The following RGPD8 variants were observed in gnomAD, a reference collection of about 807,000 sequenced individuals.
RGPD8 encodes the protein RANBP2-like and GRIP domain-containing protein 8.
Under a neutral mutation model 89.1 loss-of-function variants are expected in RGPD8, and 15 were observed. The observed-to-expected ratio is 0.17, with a 90% confidence interval of 0.11 to 0.26. RGPD8 has a LOEUF of 0.26. Ranked by LOEUF, RGPD8 falls within the 10% of genes least tolerant of loss-of-function variation. The pLI is 1.00. For missense variants in RGPD8, 178 were observed against 1,179.6 expected (o/e 0.15, Z 12.44); for synonymous variants, 62 against 420.9 (o/e 0.15, Z 10.44).
intron 1 of RGPD8, among the ~76,000 whole-genome samples, chr2:112,427,048 G>C (rs1483669664): frequency 1.3e-5 from 2 of 151,740 alleles, no homozygotes; most frequent in Non-Finnish European, 2.9e-5. Context: ...GACTTCTTCC[G>C]CCTCCCAAAG....
At chr2:112,370,735 G>A (rs1213071584) in intron 22 of RGPD8, among the ~76,000 whole-genome samples, 11 of 128,832 alleles carry the variant, frequency 8.5e-5, no homozygotes, top group African/African-American at 2.3e-4. Context: ...CTGAATTTCC[G>A]GTTGAGCCAA....
At chr2:112,423,976 G>T (rs1353188560) in intron 2 of RGPD8, among the ~76,000 whole-genome samples, 2 of 152,134 alleles carry the variant, frequency 1.3e-5, no homozygotes, top group Non-Finnish European at 2.9e-5. Context: ...TACTCCAACA[G>T]AAGACAATTT....
At chr2:112,432,300 T>C (rs374459037) in intron 1 of RGPD8, among the ~76,000 whole-genome samples, 24 of 152,178 alleles carry the variant, frequency 1.6e-4, no homozygotes, top group South Asian at 4.1e-4. Flanking sequence ...TTAAAAATTG[T>C]AAGCCATACT....
chr2:112,374,878 T>TA (rs1678076117), intron 22 of RGPD8, among the ~76,000 whole-genome samples: 1 of 144,524 alleles, frequency 6.9e-6, no homozygotes, highest in Non-Finnish European at 1.5e-5. Flanking sequence ...TTTTTTTTTT[T>TA]GAGATAGGAG....
At chr2:112,410,858 C>T (rs568634230) in intron 7 of RGPD8, among the ~76,000 whole-genome samples, 36 of 152,360 alleles carry the variant, frequency 2.4e-4, no homozygotes, top group Non-Finnish European at 3.2e-4. Context: ...GGCCGAGACG[C>T]GCAGATCACC....
At chr2:112,376,609 A>G (rs1218011275) in intron 22 of RGPD8, among the ~76,000 whole-genome samples, 1 of 148,724 alleles carries the variant, frequency 6.7e-6, no homozygotes, top group African/African-American at 2.5e-5. Context: ...AGGTCAGGAG[A>G]TTGAGACCAT....
intron 1 of RGPD8, among the ~76,000 whole-genome samples, chr2:112,428,154 CA>C (rs1553506500): frequency 6.6e-6 from 1 of 152,090 alleles, no homozygotes; most frequent in Non-Finnish European, 1.5e-5. Flanking sequence ...TTCAAAATTG[CA>C]AAAAAAATTA....
At chr2:112,419,740 C>T (rs1679507002) in intron 4 of RGPD8, among the ~76,000 whole-genome samples, 1 of 139,292 alleles carries the variant, frequency 7.2e-6, no homozygotes, top group Admixed American at 7.3e-5. Context: ...ACACTACTGA[C>T]ACCAGATTAA....
intron 22 of RGPD8, among the ~76,000 whole-genome samples, chr2:112,373,392 T>C (rs1678018161): frequency 6.6e-6 from 1 of 152,300 alleles, no homozygotes; most frequent in African/African-American, 2.4e-5. Context: ...ATGTGTTTAT[T>C]ATAAAGATTT....
intron 20 of RGPD8, among the ~76,000 whole-genome samples, chr2:112,381,888 G>A (rs1446698433): frequency 3.3e-5 from 5 of 152,298 alleles, no homozygotes; most frequent in Non-Finnish European, 7.3e-5. Context: ...ACAGTGTGAT[G>A]GTTAATACTG....
intron 22 of RGPD8, among the ~76,000 whole-genome samples, chr2:112,374,962 AAGC>A (rs1406361140): frequency 7.5e-6 from 1 of 133,374 alleles, no homozygotes; most frequent in Non-Finnish European, 1.6e-5. Flanking sequence ...TCCTGGGTTC[AAGC>A]AGTTCTCCTA....
chr2:112,423,949 T>C (rs1245080525), intron 2 of RGPD8, among the ~76,000 whole-genome samples: 1 of 152,242 alleles, frequency 6.6e-6, no homozygotes, highest in Non-Finnish European at 1.5e-5. Context: ...AATTAAGATA[T>C]AGGCATGGTC....
At chr2:112,385,752 TTATG>T (rs1396699927) in intron 20 of RGPD8, among the ~76,000 whole-genome samples, 6 of 141,230 alleles carry the variant, frequency 4.2e-5, no homozygotes, top group Non-Finnish European at 7.7e-5. Flanking sequence ...ATTTATTTAT[TTATG>T]TATTTATTTG....
chr2:112,431,997 T>G (rs2104412214), intron 1 of RGPD8, among the ~76,000 whole-genome samples: 1 of 152,374 alleles, frequency 6.6e-6, no homozygotes, highest in Non-Finnish European at 1.5e-5. Flanking sequence ...TAGTGCTATG[T>G]GTCAAGCAAT....
chr2:112,387,463 C>T (rs551424341), intron 20 of RGPD8, among the ~76,000 whole-genome samples: 13 of 140,924 alleles, frequency 9.2e-5, no homozygotes, highest in Non-Finnish European at 2.0e-4. Context: ...TGTGCTCAAG[C>T]GATCCTCCTG....
intron 1 of RGPD8, among the ~76,000 whole-genome samples, chr2:112,429,695 G>C (rs1314768377): frequency 6.6e-6 from 1 of 152,146 alleles, no homozygotes; most frequent in Non-Finnish European, 1.5e-5. Flanking sequence ...CTGTCAAGTA[G>C]ACTTTGAGAA....
chr2:112,390,834 T>C, intron 19 of RGPD8, 141 bp downstream of exon 19: 2 of 907,984 alleles, frequency 2.2e-6, no homozygotes, highest in Non-Finnish European at 3.1e-6. Context: ...AATTTCTGTA[T>C]TTGGAGATAA....
chr2:112,379,832 GATCT>G (rs1187129496), intron 21 of RGPD8, among the ~76,000 whole-genome samples: 2 of 145,510 alleles, frequency 1.4e-5, no homozygotes, highest in Non-Finnish European at 3.0e-5. Flanking sequence ...TGGCAGGACA[GATCT>G]ATTAGGAGCA....
intron 1 of RGPD8, among the ~76,000 whole-genome samples, chr2:112,431,931 C>T (rs1437188590): frequency 1.3e-5 from 2 of 152,254 alleles, no homozygotes; most frequent in Non-Finnish European, 2.9e-5. Context: ...TGAGCCACTG[C>T]GCCCGGCCAA....
Sources: gnomAD v4.1 joint callset for allele counts (sites outside exome capture counted in the v4.1 genomes callset) on GRCh38, gnomAD v4.1.1 for gene constraint, MANE v1.5 for transcripts, NCBI Gene and HGNC (gene_info 2026-07-23, HGNC 2026-07-21) for gene names.